Variants in SPRR2B observed in about 807,000 individuals in gnomAD.
SPRR2B encodes the protein small proline-rich protein 2B.
SPRR2B carries 1 observed loss-of-function variant against 1.0 expected under a neutral mutation model. The ratio of observed to expected loss-of-function variants is 1.01; its 90% CI spans 0.36 to 4.77. SPRR2B has a LOEUF of 4.77. Ranked by LOEUF, SPRR2B falls within the 30% of genes most tolerant of loss-of-function variation. The probability of loss-of-function intolerance (pLI) is 0.16; values close to 1 mark genes in which losing one functional copy is unlikely to be tolerated. For missense variants in SPRR2B, 53 were observed against 88.7 expected (o/e 0.60, Z 1.62); for synonymous variants, 27 against 33.4 (o/e 0.81, Z 0.66).
chr1:153,078,065 C>G, the SPRR2B span, among the ~76,000 whole-genome samples: 21 of 152,108 alleles, frequency 1.4e-4, no homozygotes, highest in Non-Finnish European at 2.2e-4. Flanking sequence ...AGAAAGAAGA[C>G]CTTTCTCATC....
the SPRR2B span, among the ~76,000 whole-genome samples, chr1:153,085,305 C>A: frequency 6.6e-6 from 1 of 152,066 alleles, no homozygotes; most frequent in South Asian, 2.1e-4. Flanking sequence ...AGCTGACTGA[C>A]AAAATAGCCA....
Position 153,070,552 on chromosome 1 carries a change from G to A in SPRR2B, c.*69C>T. ...TGATAAGCTTTGATGAGAAGATGAA[G>A]GTGGAGCTGTGGAACGAGGTGAGCC... On this transcript the variant is annotated 3_prime_UTR_variant, in exon 2 of 2. Transcript: ENST00000368755. 1.3e-6 allele frequency: 2 copies of A among 1,568,798 alleles called. No individual in the cohort carries two copies. The highest frequency in any genetic ancestry group is 8.6e-7 in the Non-Finnish European group (1 of 1,157,308).
chr1:153,071,811 A>C (rs766994627), upstream of SPRR2B, among the ~76,000 whole-genome samples: 72 of 152,274 alleles, frequency 4.7e-4, no homozygotes, highest in Middle Eastern at 6.8e-3. Context: ...TATGGCAAAG[A>C]GGGACTTGGG....
the SPRR2B span, among the ~76,000 whole-genome samples, chr1:153,077,624 C>CT: frequency 8.0e-3 from 1,133 of 142,170 alleles, 16 homozygotes; most frequent in African/African-American, 0.027. Context: ...TTTTTCTTTT[C>CT]TTTTTTTTTT....
the SPRR2B span, among the ~76,000 whole-genome samples, chr1:153,086,073 G>GA: frequency 1.6e-4 from 25 of 152,162 alleles, no homozygotes; most frequent in African/African-American, 5.6e-4. Flanking sequence ...AGCAACTACA[G>GA]AAACACACTT....
the SPRR2B span, among the ~76,000 whole-genome samples, chr1:153,081,902 A>C: frequency 8.3e-4 from 125 of 150,692 alleles, 2 homozygotes; most frequent in East Asian, 0.021. Flanking sequence ...GGCTCACTGC[A>C]ACCTCCGCCT....
rs559326226 is a variant in SPRR2B at position 153,071,602 on chromosome 1, C to G, written c.-53G>C. On this transcript the variant is annotated 5_prime_UTR_variant, in exon 1 of 2. Transcript: ENST00000368755. ...CCAAAGCAGATCGGTGCTCGAGTAC[C>G]AGGAGTTTAGGAGTTGGGCAGCAGA... 1.3e-5 allele frequency among the ~76,000 whole-genome samples: 2 copies of G among 152,242 alleles called. No homozygotes were observed. The highest frequency in any genetic ancestry group is 4.2e-4 in the South Asian group (2 of 4,818).
upstream of SPRR2B, among the ~76,000 whole-genome samples, chr1:153,073,733 A>ACACACACACACAC: frequency 6.8e-6 from 1 of 147,132 alleles, no homozygotes; most frequent in African/African-American, 2.5e-5. Context: ...ACACACACAC[A>ACACACACACACAC]ACATGAGTCT....
upstream of SPRR2B, among the ~76,000 whole-genome samples, chr1:153,072,183 CTCTG>C (rs1002399374): frequency 2.6e-5 from 4 of 152,168 alleles, no homozygotes; most frequent in East Asian, 1.9e-4. Context: ...TCTACTTCAC[CTCTG>C]TCTTTCTCTC....
At chr1:153,071,738 A>G (rs1286058214), upstream of SPRR2B, among the ~76,000 whole-genome samples, 1 of 152,202 alleles carries the variant, frequency 6.6e-6, no homozygotes, top group Non-Finnish European at 1.5e-5. Flanking sequence ...AACTGGCATG[A>G]CAGGGATTCT....
chr1:153,070,326 A>G lies in SPRR2B; in HGVS notation c.*295T>C, dbSNP rs1262415371. The G allele has an allele frequency of 1.8e-6, 1 of 558,070 alleles. No homozygotes were observed. Among genetic ancestry groups the G allele is most frequent in the East Asian group, 2.9e-5 (1 of 34,900 alleles). 34.6% of individuals were successfully genotyped at this position (558,070 alleles called of 1,614,324 possible). ...TGAAAGACAGACACAGAACACATCAACAGAATTCTCTGATGGTTCCCAGGC... is the reference window on the plus strand; with the variant it reads ...TGAAAGACAGACACAGAACACATCAGCAGAATTCTCTGATGGTTCCCAGGC... On this transcript the variant is annotated 3_prime_UTR_variant, in exon 2 of 2. Transcript: ENST00000368755.
At chr1:153,087,591 T>G in the SPRR2B span, among the ~76,000 whole-genome samples, 3 of 151,984 alleles carry the variant, frequency 2.0e-5, no homozygotes, top group Non-Finnish European at 2.9e-5. Context: ...GAAATACAAA[T>G]AAACATCAGA....
chr1:153,087,248 C>A, the SPRR2B span, among the ~76,000 whole-genome samples: 1 of 151,858 alleles, frequency 6.6e-6, no homozygotes, highest in South Asian at 2.1e-4. Flanking sequence ...CTACTGCAAT[C>A]CAGCCTGGGC....
chr1:153,071,866 G>A (rs1456858505), upstream of SPRR2B, among the ~76,000 whole-genome samples: 2 of 152,140 alleles, frequency 1.3e-5, no homozygotes, highest in Non-Finnish European at 2.9e-5. Context: ...TTGATTGGGG[G>A]CAATGAATGC....
the SPRR2B span, among the ~76,000 whole-genome samples, chr1:153,087,112 C>G: frequency 2.6e-5 from 4 of 152,052 alleles, no homozygotes; most frequent in African/African-American, 9.7e-5. Flanking sequence ...AACCCCATCT[C>G]TACTAAAAAT....
chr1:153,079,265 G>A, the SPRR2B span, among the ~76,000 whole-genome samples: 7 of 151,802 alleles, frequency 4.6e-5, no homozygotes, highest in East Asian at 3.9e-4. Context: ...CTGGATATTA[G>A]CCCTTTGTCA....
chr1:153,072,351 C>T (rs1654684986), upstream of SPRR2B, among the ~76,000 whole-genome samples: 1 of 152,102 alleles, frequency 6.6e-6, no homozygotes, highest in African/African-American at 2.4e-5. Context: ...TGTACTACAG[C>T]CTTTTTATTT....
chr1:153,077,778 C>T, the SPRR2B span, among the ~76,000 whole-genome samples: 1 of 152,068 alleles, frequency 6.6e-6, no homozygotes, highest in East Asian at 1.9e-4. Flanking sequence ...CCACACCCAG[C>T]TAATTTTTGT....
the SPRR2B span, among the ~76,000 whole-genome samples, chr1:153,081,332 T>C: frequency 1.1e-4 from 16 of 152,188 alleles, no homozygotes; most frequent in Non-Finnish European, 2.1e-4. Flanking sequence ...TCTAAGAAAT[T>C]CTTAAGAAGT....
Sources: allele counts gnomAD v4.1 joint callset (sites outside exome capture counted in the v4.1 genomes callset), GRCh38; gene constraint gnomAD v4.1.1; transcripts MANE v1.5; gene names NCBI Gene and HGNC (gene_info 2026-07-23, HGNC 2026-07-21).